Variants in ANKS1B observed in about 807,000 individuals in gnomAD.
The protein encoded by ANKS1B is ankyrin repeat and sterile alpha motif domain containing 1B.
ANKS1B carries 36 observed loss-of-function variants against 148.3 expected under a neutral mutation model. That is an observed-to-expected ratio of 0.24 (90% confidence interval 0.19 to 0.32). The LOEUF is 0.32. ANKS1B is among the 10% of genes least tolerant of loss of function. The pLI is 1.00. For synonymous variants in ANKS1B, 542 were observed against 560.8 expected (o/e 0.97, Z 0.47); for missense variants, 1,157 against 1,542.6 (o/e 0.75, Z 4.19).
At chr12:99,916,178 C>A (rs1190702047) in intron 1 of ANKS1B, among the ~76,000 whole-genome samples, 1 of 152,126 alleles carries the variant, frequency 6.6e-6, no homozygotes, top group African/African-American at 2.4e-5. Flanking sequence ...GACCCAGAGC[C>A]CATCAAGGGG....
intron 17 of ANKS1B, among the ~76,000 whole-genome samples, chr12:98,930,857 T>A (rs906656169): frequency 6.6e-6 from 1 of 152,064 alleles, no homozygotes; most frequent in African/African-American, 2.4e-5. Context: ...AACCACTGAA[T>A]TGTACATATT....
chr12:99,740,252 G>C (rs1000207500), intron 8 of ANKS1B, among the ~76,000 whole-genome samples: 1 of 152,078 alleles, frequency 6.6e-6, no homozygotes, highest in East Asian at 1.9e-4. Context: ...TGAAACTAGA[G>C]TGATCCATGA....
chr12:99,772,427 A>T (rs1034715683), intron 8 of ANKS1B, among the ~76,000 whole-genome samples: 2 of 152,130 alleles, frequency 1.3e-5, no homozygotes, highest in African/African-American at 2.4e-5. Flanking sequence ...TGAGCTTATC[A>T]AAGAGAAACC....
At chr12:99,210,635 C>T (rs149617236) in intron 14 of ANKS1B, among the ~76,000 whole-genome samples, 2 of 152,334 alleles carry the variant, frequency 1.3e-5, no homozygotes, top group East Asian at 3.9e-4. Context: ...GCTGACACTT[C>T]TTATTGCACA....
At chr12:98,743,560 C>T (rs78980509), downstream of ANKS1B, among the ~76,000 whole-genome samples, 6,303 of 152,216 alleles carry the variant, frequency 0.041, 221 homozygotes, top group East Asian at 0.084. Context: ...CAGGCCTAGC[C>T]CTTCCTTTTC....
At chr12:99,959,684 C>A (rs376808940) in intron 1 of ANKS1B, among the ~76,000 whole-genome samples, 1 of 152,018 alleles carries the variant, frequency 6.6e-6, no homozygotes, top group Non-Finnish European at 1.5e-5. Context: ...AAAAGCATAA[C>A]GCTTGCTTCA....
intron 12 of ANKS1B, among the ~76,000 whole-genome samples, chr12:99,328,911 A>G (rs2086981647): frequency 1.3e-5 from 2 of 151,996 alleles, no homozygotes; most frequent in South Asian, 4.1e-4. Context: ...AGACTGAAAA[A>G]ACTTCTGGAG....
chr12:99,176,179 A>G (rs2078362439), intron 14 of ANKS1B, among the ~76,000 whole-genome samples: 1 of 152,154 alleles, frequency 6.6e-6, no homozygotes, highest in African/African-American at 2.4e-5. Flanking sequence ...GGGAAGAAAC[A>G]TCAGACACAG....
chr12:99,746,317 T>C (rs924457324), intron 8 of ANKS1B, among the ~76,000 whole-genome samples: 1 of 152,190 alleles, frequency 6.6e-6, no homozygotes, highest in African/African-American at 2.4e-5. Context: ...CCTATCCAAG[T>C]GTTTAGTACT....
At position 99,521,726 on chromosome 12, in the gene ANKS1B, A is replaced by ATCTC. The variant is rs202020332; in HGVS notation, c.1273-17089_1273-17086dup. 3.6e-3 allele frequency among the ~76,000 whole-genome samples: 542 copies of ATCTC among 150,678 alleles called. 1 individual carries two copies. Among genetic ancestry groups the ATCTC allele is most frequent in the African/African-American group, 0.013 (517 of 40,508 alleles). ...AAATAGAGTCAGTGTCTCTCTCTCA[A>ATCTC]TCTCTCGCTCTCTCTCTCTCTCTGC... On this transcript the variant is annotated intron_variant, in intron 9 of 26. Transcript: ENST00000683438.
intron 8 of ANKS1B, among the ~76,000 whole-genome samples, chr12:99,712,412 T>C (rs2056764729): frequency 6.6e-6 from 1 of 152,170 alleles, no homozygotes; most frequent in Non-Finnish European, 1.5e-5. Flanking sequence ...GAGAGATTAT[T>C]ATGGATTATC....
intron 17 of ANKS1B, among the ~76,000 whole-genome samples, chr12:98,872,125 A>C (rs182287720): frequency 1.0e-3 from 154 of 152,350 alleles, no homozygotes; most frequent in African/African-American, 3.5e-3. Context: ...TAGTTCAAAC[A>C]CTACCAAAGA....
chr12:99,336,848 G>A (rs984072416), intron 12 of ANKS1B, among the ~76,000 whole-genome samples: 3 of 150,066 alleles, frequency 2.0e-5, no homozygotes, highest in African/African-American at 7.3e-5. Flanking sequence ...GCCTATAAGG[G>A]TCTCCACTGA....
intron 9 of ANKS1B, among the ~76,000 whole-genome samples, chr12:99,639,894 G>A (rs187670146): frequency 6.6e-6 from 1 of 152,154 alleles, no homozygotes; most frequent in Admixed American, 6.5e-5. Context: ...CAGATAGGCT[G>A]GGCATGGTGG....
At chr12:99,975,196 C>A (rs575592935) in intron 1 of ANKS1B, among the ~76,000 whole-genome samples, 1 of 152,116 alleles carries the variant, frequency 6.6e-6, no homozygotes, top group African/African-American at 2.4e-5. Context: ...CATTCTCTTA[C>A]GAGCCTGGCA....
intron 8 of ANKS1B, among the ~76,000 whole-genome samples, chr12:99,737,540 G>T (rs2059723195): frequency 6.6e-6 from 1 of 151,954 alleles, no homozygotes; most frequent in South Asian, 2.1e-4. Context: ...TTTTCCCCAT[G>T]CTTAAAACCC....
intron 10 of ANKS1B, among the ~76,000 whole-genome samples, chr12:99,467,514 T>C (rs1291661212): frequency 1.3e-5 from 2 of 152,206 alleles, no homozygotes; most frequent in Non-Finnish European, 1.5e-5. Context: ...TGTTCGCAGA[T>C]GACATGATTG....
At chr12:99,632,742 T>TATATAC (rs1481862070) in intron 9 of ANKS1B, among the ~76,000 whole-genome samples, 4 of 71,038 alleles carry the variant, frequency 5.6e-5, no homozygotes, top group African/African-American at 1.9e-4. Flanking sequence ...TATATATATA[T>TATATAC]ATATATATAT....
intron 9 of ANKS1B, among the ~76,000 whole-genome samples, chr12:99,627,630 T>G (rs2098122545): frequency 1.3e-5 from 2 of 152,170 alleles, no homozygotes; most frequent in South Asian, 4.1e-4. Context: ...AACTTCAGAA[T>G]TCAACAAACA....
Sources: allele counts gnomAD v4.1 joint callset (sites outside exome capture counted in the v4.1 genomes callset), GRCh38; gene constraint gnomAD v4.1.1; transcripts MANE v1.5; gene names NCBI Gene and HGNC (gene_info 2026-07-23, HGNC 2026-07-21).